The following MOXD1 variants were observed in gnomAD, a reference collection of about 807,000 sequenced individuals.
MOXD1 encodes the protein DBH-like monooxygenase protein 1.
A neutral mutation model predicts 66.6 loss-of-function variants in MOXD1; 62 were observed. The observed-to-expected ratio is 0.93, with a 90% CI of 0.76 to 1.15. The LOEUF (loss-of-function observed/expected upper bound fraction) is 1.15, where lower values mean the gene tolerates loss of function less well. Ranked by LOEUF, MOXD1 falls within the 50% of genes most tolerant of loss-of-function variation. The pLI is 0.00. For missense variants in MOXD1, 847 were observed against 754.6 expected, an observed-to-expected ratio of 1.12 and a Z score of -1.44; for synonymous variants, 303 against 281.9, an observed-to-expected ratio of 1.07 and a Z score of -0.75.
chr6:132,382,983 C>T (rs1397092283), intron 1 of MOXD1, among the ~76,000 whole-genome samples: 3 of 152,202 alleles, frequency 2.0e-5, no homozygotes, highest in South Asian at 2.1e-4. Context: ...AAAACTCTTA[C>T]GGGTATAATA....
At chr6:132,400,668 G>A (rs1777002406) in intron 1 of MOXD1, among the ~76,000 whole-genome samples, 1 of 152,074 alleles carries the variant, frequency 6.6e-6, no homozygotes, top group African/African-American at 2.4e-5. Context: ...GGAGAATGGT[G>A]TAGCTGACAT....
At chr6:132,362,000 G>T (rs1021248144) in intron 4 of MOXD1, among the ~76,000 whole-genome samples, 1 of 152,010 alleles carries the variant, frequency 6.6e-6, no homozygotes, top group Non-Finnish European at 1.5e-5. Flanking sequence ...CTTATCAAAA[G>T]TGAGTTTCCA....
At chr6:132,360,046 G>C (rs1369423621) in intron 4 of MOXD1, among the ~76,000 whole-genome samples, 5 of 152,174 alleles carry the variant, frequency 3.3e-5, no homozygotes, top group Admixed American at 2.0e-4. Context: ...CTGTTAGCTG[G>C]CTTTAGTATG....
intron 1 of MOXD1, among the ~76,000 whole-genome samples, chr6:132,397,343 C>T (rs1037233579): frequency 3.9e-5 from 6 of 152,202 alleles, no homozygotes; most frequent in Non-Finnish European, 7.3e-5. Flanking sequence ...TGGGCAAAGC[C>T]CCCAATACTG....
At position 132,372,628 on chromosome 6, in the gene MOXD1, C is replaced by T. The variant is rs771058065; in HGVS notation, c.643G>A (p.Glu215Lys). The change falls in exon 4 of 12, where the codon GAA becomes AAA. Residue 215 changes from glutamate to lysine, a missense_variant. Transcript: ENST00000367963. ...CATACCTTTATTACATGATGCTTTT[C>T]TTGGAACACAGGAATCTTAAACATT... ...CQMFKIPVFQEKHHVIKVEPV... is the reference protein window; with the variant it reads ...CQMFKIPVFQKKHHVIKVEPV... 3 of 1,613,526 alleles carry T rather than the reference C, an allele frequency of 1.9e-6. No individual in the cohort carries two copies. Among genetic ancestry groups the T allele is most frequent in the South Asian group, 2.2e-5 (2 of 91,062 alleles).
chr6:132,354,304 G>A (rs116088108), intron 4 of MOXD1, among the ~76,000 whole-genome samples: 2,018 of 152,252 alleles, frequency 0.013, 40 homozygotes, highest in African/African-American at 0.046. Flanking sequence ...AAAAGTCTAC[G>A]GGTGAAGGCT....
rs377291141 is a variant in MOXD1 at position 132,310,704 on chromosome 6, G to A, written c.1508+4931C>T. 5.3e-5 allele frequency among the ~76,000 whole-genome samples: 8 copies of A among 152,264 alleles called. No homozygotes were observed. In the East Asian group the frequency reaches 5.8e-4, roughly 11 times the overall value. On this transcript the variant is annotated intron_variant, in intron 10 of 11. Transcript: ENST00000367963. Reference sequence around the variant, plus strand: ...AGATCATGTCCTTTGAAGGGACATGGATGAAGATGGAAGCCAATGTCCTCA... The same window carrying A: ...AGATCATGTCCTTTGAAGGGACATGAATGAAGATGGAAGCCAATGTCCTCA...
At chr6:132,364,490 C>G (rs2114647036) in intron 4 of MOXD1, among the ~76,000 whole-genome samples, 1 of 152,216 alleles carries the variant, frequency 6.6e-6, no homozygotes, top group African/African-American at 2.4e-5. Flanking sequence ...CTTTGCAAGT[C>G]AAGATGCAAG....
chr6:132,372,523 A>T, intron 4 of MOXD1, 85 bp downstream of exon 4: 1 of 1,236,858 alleles, frequency 8.1e-7, no homozygotes, highest in Non-Finnish European at 1.2e-6. Flanking sequence ...AAACATTTCT[A>T]TACTTTTACT....
chr6:132,363,231 A>G (rs1776050899), intron 4 of MOXD1, among the ~76,000 whole-genome samples: 2 of 152,072 alleles, frequency 1.3e-5, no homozygotes, highest in African/African-American at 4.8e-5. Flanking sequence ...ACAAAAAAAA[A>G]AAACCAAAGA....
At position 132,372,909 on chromosome 6, in the gene MOXD1, T is replaced by C. The variant is rs780858991; in HGVS notation, c.500A>G (p.Lys167Arg). The change falls in exon 3 of 12, where the codon AAG (lysine) becomes AGG (arginine). Residue 167 changes from lysine to arginine, a missense_variant. Physicochemically the swap from Lys to Arg is conservative, Grantham distance 26. Transcript: ENST00000367963. Reference sequence around the variant, plus strand: ...CTCAGGATTCAATAACCGCAAACTCTTGGTGCCCCTATTGGAGTCATGGTA... The same window carrying C: ...CTCAGGATTCAATAACCGCAAACTCCTGGTGCCCCTATTGGAGTCATGGTA... ...PKYHDSNRGT[K>R]SLRLLNPEKT... The C allele has an allele frequency of 1.3e-5, 21 of 1,613,930 alleles. No homozygotes were observed. The highest frequency in any genetic ancestry group is 5.3e-5 in the African/African-American group (4 of 74,930).
At chr6:132,334,485 T>C (rs1368531582) in intron 4 of MOXD1, among the ~76,000 whole-genome samples, 1 of 152,232 alleles carries the variant, frequency 6.6e-6, no homozygotes, top group East Asian at 1.9e-4. Flanking sequence ...ACTCCTGTCA[T>C]CTGCTCCTTC....
rs1776296442 is a variant in MOXD1, at chr6:132,372,915, C to T, written c.494G>A (p.Gly165Asp). The T allele has an allele frequency of 1.2e-6, 2 of 1,614,042 alleles. No individual in the cohort carries two copies. Among genetic ancestry groups the T allele is most frequent in the Non-Finnish European group, 8.5e-7 (1 of 1,179,936 alleles). The change falls in exon 3 of 12, where the codon GGC becomes GAC. Residue 165 changes from glycine to aspartate, a missense_variant. Physicochemically the swap from Gly to Asp is moderately conservative, Grantham distance 94 (BLOSUM62 -1). Transcript: ENST00000367963. ...AGPKYHDSNRGTKSLRLLNPE... is the reference protein window; with the variant it reads ...AGPKYHDSNRDTKSLRLLNPE... Reference sequence around the variant, plus strand: ...ATTCAATAACCGCAAACTCTTGGTGCCCCTATTGGAGTCATGGTACTTGGG... The same window carrying T: ...ATTCAATAACCGCAAACTCTTGGTGTCCCTATTGGAGTCATGGTACTTGGG...
At chr6:132,326,595 C>T (rs945879859) in intron 6 of MOXD1, among the ~76,000 whole-genome samples, 4 of 152,008 alleles carry the variant, frequency 2.6e-5, no homozygotes, top group African/African-American at 9.7e-5. Flanking sequence ...ATTGTGATGA[C>T]AATTTTTATG....
intron 2 of MOXD1, 90 bp downstream of exon 2, chr6:132,374,541 T>C (rs538521712): frequency 7.3e-6 from 8 of 1,102,656 alleles, no homozygotes; most frequent in Non-Finnish European, 9.9e-6. Context: ...GAAAAAAGAC[T>C]ATATGACTTG....
chr6:132,385,120 T>C (rs1475814241), intron 1 of MOXD1, among the ~76,000 whole-genome samples: 2 of 152,302 alleles, frequency 1.3e-5, no homozygotes, highest in Non-Finnish European at 1.5e-5. Context: ...GGATGGCTTC[T>C]AATTTTTGAC....
intron 1 of MOXD1, among the ~76,000 whole-genome samples, chr6:132,378,172 G>A (rs1323722306): frequency 2.0e-5 from 3 of 151,956 alleles, no homozygotes; most frequent in African/African-American, 7.3e-5. Flanking sequence ...CAACTTTGAG[G>A]TCCTATTTTG....
chr6:132,396,240 T>A (rs527923067), intron 1 of MOXD1, among the ~76,000 whole-genome samples: 2 of 152,074 alleles, frequency 1.3e-5, no homozygotes, highest in African/African-American at 4.8e-5. Context: ...CAAGAGGAAC[T>A]TTGGAAACTG....
At position 132,297,799 on chromosome 6, in the gene MOXD1, A is replaced by C; in HGVS notation, c.1665T>G (p.Asn555Lys). 6.2e-7 allele frequency: 1 copy of C among 1,604,822 alleles called. No homozygotes were observed. Among genetic ancestry groups the C allele is most frequent in the Admixed American group, 1.7e-5 (1 of 57,618 alleles). Residue 555 changes from asparagine to lysine, a missense_variant, in exon 11 of 12, where the codon AAT (asparagine) becomes AAG (lysine). By Grantham distance (94) the Asn-to-Lys change is moderately conservative (BLOSUM62 0). Transcript: ENST00000367963. ...AAAAAGAGCTTACCGACCACTCAGC[A>C]TTGTCTGTCTTGGAACATCTCACAT... Reference protein sequence around the residue: ...PVNVRCSKTDNAEWSIQGMTA... With the variant: ...PVNVRCSKTDKAEWSIQGMTA...
Sources: gnomAD v4.1 joint callset for allele counts (sites outside exome capture counted in the v4.1 genomes callset) on GRCh38, gnomAD v4.1.1 for gene constraint, MANE v1.5 for transcripts, NCBI Gene and HGNC (gene_info 2026-07-23, HGNC 2026-07-21) for gene names.